STXBP5L: variants seen among roughly 807,000 people sequenced by gnomAD.
STXBP5L encodes the protein syntaxin-binding protein 5-like.
A neutral mutation model predicts 144.5 loss-of-function variants in STXBP5L; 65 were observed. The ratio of observed to expected loss-of-function variants is 0.45; its 90% confidence interval spans 0.37 to 0.55. STXBP5L has a LOEUF of 0.55. Among genes scored for constraint, STXBP5L ranks in the 20% least tolerant of loss-of-function variants. STXBP5L has a pLI of 0.00. For missense variants in STXBP5L, 1,298 were observed against 1,405.5 expected (o/e 0.92, Z 1.22); for synonymous variants, 505 against 469.6 (o/e 1.08, Z -0.97).
Position 121,334,334 on chromosome 3 carries a change from C to T in STXBP5L, c.2176+15794C>T, listed in dbSNP as rs936290818. ...CCAGATATGCAAAGAAGAAATGTAT[C>T]ATTCCAGCTGAAACTATCCCAAAGA... On this transcript the variant is annotated intron_variant, in intron 20 of 26. Transcript: ENST00000471454. Among the ~76,000 whole-genome samples, 3 of 152,218 alleles carry T rather than the reference C, an allele frequency of 2.0e-5. No individual in the cohort carries two copies. In the South Asian group the frequency reaches 6.2e-4, roughly 32 times the overall value.
At chr3:121,402,433 C>G (rs979271503) in intron 22 of STXBP5L, among the ~76,000 whole-genome samples, 3 of 152,130 alleles carry the variant, frequency 2.0e-5, no homozygotes, top group Admixed American at 2.0e-4. Flanking sequence ...TCTATTGATC[C>G]TACCATTTTC....
intron 3 of STXBP5L, among the ~76,000 whole-genome samples, chr3:120,976,017 G>A (rs1287182217): frequency 6.6e-6 from 1 of 151,706 alleles, no homozygotes; most frequent in African/African-American, 2.4e-5. Context: ...TTTTTTTGTT[G>A]TGTCTCTGTC....
At chr3:121,063,923 G>A (rs2041411960) in intron 5 of STXBP5L, among the ~76,000 whole-genome samples, 1 of 152,100 alleles carries the variant, frequency 6.6e-6, no homozygotes, top group Non-Finnish European at 1.5e-5. Context: ...TTAGCTTGCT[G>A]TGCTCGGTGG....
chr3:121,196,417 G>T (rs2047922040), intron 9 of STXBP5L, among the ~76,000 whole-genome samples: 1 of 151,964 alleles, frequency 6.6e-6, no homozygotes, highest in African/African-American at 2.4e-5. Flanking sequence ...GGGATTACAG[G>T]CATGAGCCAC....
At chr3:121,202,776 CT>C (rs2048186177) in intron 9 of STXBP5L, among the ~76,000 whole-genome samples, 1 of 151,912 alleles carries the variant, frequency 6.6e-6, no homozygotes, top group African/African-American at 2.4e-5. Flanking sequence ...AGCTGTTAAT[CT>C]TAATAGGGTT....
At position 121,230,753 on chromosome 3, in the gene STXBP5L, AACTC is replaced by A. The variant is rs566445779; in HGVS notation, c.1112-2859_1112-2856del. On this transcript the variant is annotated intron_variant, in intron 11 of 26. Transcript: ENST00000471454. ...AAAGCTTTAGCCATATGTCAGGCAT[AACTC>A]ACTAGTTAAAAGGGATAGTTAGATT... is the stretch of plus-strand genomic sequence containing the variant. Among the ~76,000 whole-genome samples the A allele has an allele frequency of 3.0e-3, 453 of 152,300 alleles. 1 individual carries two copies. The highest frequency in any genetic ancestry group is 0.014 in the Middle Eastern group (4 of 294).
At chr3:121,400,641 G>T (rs958762233) in intron 22 of STXBP5L, among the ~76,000 whole-genome samples, 1 of 152,188 alleles carries the variant, frequency 6.6e-6, no homozygotes, top group African/African-American at 2.4e-5. Context: ...AGATGCCTGT[G>T]AAAGTCTGCA....
chr3:121,188,621 G>T (rs1452596178), intron 9 of STXBP5L, among the ~76,000 whole-genome samples: 1 of 152,080 alleles, frequency 6.6e-6, no homozygotes, highest in Non-Finnish European at 1.5e-5. Context: ...TGATCAAGTG[G>T]GCTTCATCCC....
intron 3 of STXBP5L, among the ~76,000 whole-genome samples, chr3:121,015,698 A>C (rs1945095251): frequency 6.6e-6 from 1 of 152,260 alleles, no homozygotes; most frequent in South Asian, 2.1e-4. Context: ...GCATTGTAAA[A>C]TATACTCAGA....
At chr3:120,966,716 C>T (rs1939623049) in intron 3 of STXBP5L, among the ~76,000 whole-genome samples, 1 of 152,124 alleles carries the variant, frequency 6.6e-6, no homozygotes, top group Non-Finnish European at 1.5e-5. Context: ...GTGTTGGCCC[C>T]TACTGGGAGG....
intron 2 of STXBP5L, among the ~76,000 whole-genome samples, chr3:120,913,257 ACTAT>A (rs963343173): frequency 6.6e-6 from 1 of 151,900 alleles, no homozygotes; most frequent in African/African-American, 2.4e-5. Context: ...TAGGGTATAC[ACTAT>A]CTAGCTGGCC....
chr3:121,352,833 C>T (rs1364353983), intron 20 of STXBP5L, among the ~76,000 whole-genome samples: 1 of 151,918 alleles, frequency 6.6e-6, no homozygotes, highest in African/African-American at 2.4e-5. Flanking sequence ...ATAAGTAGCT[C>T]TTATTATTTT....
intron 9 of STXBP5L, among the ~76,000 whole-genome samples, chr3:121,176,517 AT>A (rs1482692526): frequency 6.7e-6 from 1 of 149,526 alleles, no homozygotes; most frequent in Non-Finnish European, 1.5e-5. Context: ...AAGGTGAAGT[AT>A]TGAAAAACTG....
chr3:120,939,200 G>A (rs1278274551), intron 2 of STXBP5L, among the ~76,000 whole-genome samples: 1 of 152,116 alleles, frequency 6.6e-6, no homozygotes, highest in Non-Finnish European at 1.5e-5. Context: ...TTTTCATTGT[G>A]TCTAGTACGT....
At chr3:121,104,171 G>A (rs370500589) in intron 5 of STXBP5L, among the ~76,000 whole-genome samples, 53 of 152,182 alleles carry the variant, frequency 3.5e-4, no homozygotes, top group African/African-American at 1.2e-3. Context: ...ATCCAGGCAA[G>A]ATAATAAAAA....
intron 3 of STXBP5L, among the ~76,000 whole-genome samples, chr3:120,986,929 A>G (rs1253551632): frequency 6.6e-6 from 1 of 151,990 alleles, no homozygotes; most frequent in Non-Finnish European, 1.5e-5. Flanking sequence ...AAGTGAATGG[A>G]ACAGAAGGGA....
At chr3:121,221,603 T>C (rs2048976039) in intron 10 of STXBP5L, among the ~76,000 whole-genome samples, 1 of 151,492 alleles carries the variant, frequency 6.6e-6, no homozygotes, top group African/African-American at 2.4e-5. Flanking sequence ...TTAGAAATGC[T>C]TTTTAAATCT....
intron 20 of STXBP5L, among the ~76,000 whole-genome samples, chr3:121,358,885 C>A (rs2045615339): frequency 6.6e-6 from 1 of 151,956 alleles, no homozygotes; most frequent in African/African-American, 2.4e-5. Flanking sequence ...TTTATTTATT[C>A]ATGTATGGAT....
intron 3 of STXBP5L, among the ~76,000 whole-genome samples, chr3:121,031,585 T>C (rs894246827): frequency 6.6e-6 from 1 of 152,080 alleles, no homozygotes; most frequent in African/African-American, 2.4e-5. Context: ...CTTGGTCTTA[T>C]AAGGCCTTCA....
Sources: allele counts gnomAD v4.1 joint callset (sites outside exome capture counted in the v4.1 genomes callset), GRCh38; gene constraint gnomAD v4.1.1; transcripts MANE v1.5; gene names NCBI Gene and HGNC (gene_info 2026-07-23, HGNC 2026-07-21).